Variants in ATP6V0A4 observed in about 807,000 individuals in gnomAD.
ATP6V0A4 encodes the protein V-type proton ATPase 116 kDa subunit a 4.
In ATP6V0A4, 86 loss-of-function variants were observed where a neutral mutation model predicts 107.3. The observed-to-expected ratio is 0.80, with a 90% CI of 0.67 to 0.96. The LOEUF is 0.96. Among genes scored for constraint, ATP6V0A4 ranks in the 40% least tolerant of loss-of-function variants. The pLI is 0.00. For missense variants in ATP6V0A4, 908 were observed against 1,045.6 expected (o/e 0.87, Z 1.81); for synonymous variants, 353 against 381.4 (o/e 0.93, Z 0.87).
intron 1 of ATP6V0A4, among the ~76,000 whole-genome samples, chr7:138,797,152 C>T (rs1289640365): frequency 6.6e-6 from 1 of 151,780 alleles, no homozygotes; most frequent in Non-Finnish European, 1.5e-5. Flanking sequence ...CCATCTTCCC[C>T]TCTCCCCCTG....
rs192764091 is a variant in ATP6V0A4, at chr7:138,763,134, C to G, written c.292-109G>C. 9 of 1,506,518 alleles carry G rather than the reference C, an allele frequency of 6.0e-6. No homozygotes were observed. The Admixed American group carries it at 1.8e-4, about 30-fold the overall frequency. 93.3% of individuals were successfully genotyped at this position (1,506,518 alleles called of 1,614,324 possible). On this transcript the variant is annotated intron_variant, in intron 5 of 21. Coordinates refer to ENST00000310018, the MANE Select transcript of ATP6V0A4 (RefSeq NM_020632.3). ...AAAAATCAAAGGAATCAGCACATAA[C>G]ATGATTGCAGACCCTAATACACATA... is the stretch of plus-strand genomic sequence containing the variant.
chr7:138,795,074 ATT>A (rs938418304), intron 1 of ATP6V0A4, among the ~76,000 whole-genome samples: 1 of 151,648 alleles, frequency 6.6e-6, no homozygotes, highest in African/African-American at 2.4e-5. Flanking sequence ...ATATTTCTGA[ATT>A]TTTTTAGTAG....
intron 19 of ATP6V0A4, among the ~76,000 whole-genome samples, chr7:138,717,909 GA>G (rs55813379): frequency 0.23 from 15,874 of 70,294 alleles, 1,009 homozygotes; most frequent in African/African-American, 0.29. Flanking sequence ...CTCTGTCTCG[GA>G]AAAAAAAAAA....
intron 5 of ATP6V0A4, 116 bp downstream of exon 5, chr7:138,768,664 G>C: frequency 7.7e-7 from 1 of 1,291,012 alleles, no homozygotes. Context: ...ATGCAGGCCT[G>C]CCTCCCTGCC....
intron 2 of ATP6V0A4, among the ~76,000 whole-genome samples, chr7:138,784,238 A>ACACG (rs1554402588): frequency 1.2e-4 from 6 of 49,004 alleles, no homozygotes; most frequent in African/African-American, 3.5e-4. Flanking sequence ...ATATATACGT[A>ACACG]TATATATATA....
chr7:138,718,439 G>A (rs1311079425), intron 19 of ATP6V0A4, among the ~76,000 whole-genome samples: 32 of 122,316 alleles, frequency 2.6e-4, no homozygotes, highest in African/African-American at 1.6e-4. Context: ...GGATGTCTGC[G>A]GAGGGAGACA....
Position 138,798,031 on chromosome 7 carries a change from C to A in ATP6V0A4, c.-121+3G>T. 1.3e-6 allele frequency: 2 copies of A among 1,553,430 alleles called. No homozygotes were observed. Among genetic ancestry groups the A allele is most frequent in the Non-Finnish European group, 1.7e-6 (2 of 1,148,276 alleles). On this transcript the variant is annotated splice_donor_region_variant and intron_variant, in intron 1 of 21. Transcript: ENST00000310018. The stretch of plus-strand genomic sequence containing the variant: ...CAGCTCCTGCAGGTGGGAGTCGACT[C>A]ACCTGCAGCAGGCACTCGGCACAAC...
At chr7:138,748,730 G>T (rs78350692) in intron 12 of ATP6V0A4, among the ~76,000 whole-genome samples, 127 of 152,184 alleles carry the variant, frequency 8.3e-4, no homozygotes, top group African/African-American at 2.9e-3. Flanking sequence ...ATTAACCAAG[G>T]TAGCAAGATT....
chr7:138,756,711 G>A (rs1806532828), intron 8 of ATP6V0A4, 171 bp from the exon 9 acceptor site: 1 of 447,952 alleles, frequency 2.2e-6, no homozygotes, highest in Admixed American at 6.4e-5. Flanking sequence ...TTGAGAGCAA[G>A]GCCATCCAGG....
chr7:138,769,082 G>T, intron 4 of ATP6V0A4, 91 bp downstream of exon 4: 2 of 1,594,362 alleles, frequency 1.3e-6, no homozygotes, highest in Non-Finnish European at 1.7e-6. Context: ...TGCAAATAGG[G>T]ACACATTTGT....
rs368913637 is a variant in ATP6V0A4, at chr7:138,763,150, AATACAC to A, written c.292-131_292-126del. The A allele has an allele frequency of 3.6e-4, 500 of 1,384,570 alleles. 2 individuals carry two copies. In the African/African-American group the frequency reaches 6.6e-3, roughly 18 times the overall value. The allele number at this position is 1,384,570 out of a possible 1,614,324, so 85.8% of individuals were successfully genotyped here. Reference sequence around the variant, plus strand: ...AGCACATAACATGATTGCAGACCCTAATACACATACACACAGACACACACAGACACA... The same window carrying A: ...AGCACATAACATGATTGCAGACCCTAATACACACAGACACACACAGACACA... On this transcript the variant is annotated intron_variant, in intron 5 of 21. Coordinates refer to ENST00000310018, the MANE Select transcript of ATP6V0A4 (RefSeq NM_020632.3).
At chr7:138,756,387 T>G in intron 9 of ATP6V0A4, 71 bp downstream of exon 9, 2 of 1,610,244 alleles carry the variant, frequency 1.2e-6, no homozygotes, top group Non-Finnish European at 1.7e-6. Context: ...TCATGTGCAT[T>G]TGGCATTGCA....
chr7:138,720,123 T>C (rs936003851), intron 19 of ATP6V0A4, among the ~76,000 whole-genome samples: 1 of 152,006 alleles, frequency 6.6e-6, no homozygotes, highest in Non-Finnish European at 1.5e-5. Context: ...GAATGTATAG[T>C]CAGCTTGCCT....
intron 2 of ATP6V0A4, among the ~76,000 whole-genome samples, chr7:138,776,860 G>A (rs1014691045): frequency 6.6e-6 from 1 of 152,124 alleles, no homozygotes; most frequent in African/African-American, 2.4e-5. Flanking sequence ...GAAAGTGGAA[G>A]TATAGGCTGG....
intron 7 of ATP6V0A4, among the ~76,000 whole-genome samples, chr7:138,761,237 T>G (rs948221989): frequency 6.6e-6 from 1 of 151,726 alleles, no homozygotes; most frequent in Non-Finnish European, 1.5e-5. Context: ...GAGGCAGAGG[T>G]AGGAAGATCA....
chr7:138,732,012 G>A (rs983244010), intron 17 of ATP6V0A4, among the ~76,000 whole-genome samples: 4 of 152,054 alleles, frequency 2.6e-5, no homozygotes, highest in African/African-American at 9.7e-5. Context: ...GCAACTGTTG[G>A]GATGAACTGT....
chr7:138,766,225 C>G (rs1419909996), intron 5 of ATP6V0A4, among the ~76,000 whole-genome samples: 2 of 132,954 alleles, frequency 1.5e-5, no homozygotes, highest in African/African-American at 5.6e-5. Context: ...TTTTTGGAAA[C>G]ACAGTCTTGC....
intron 18 of ATP6V0A4, among the ~76,000 whole-genome samples, chr7:138,727,494 G>A (rs531837669): frequency 3.3e-5 from 5 of 152,076 alleles, no homozygotes; most frequent in Admixed American, 6.6e-5. Flanking sequence ...TATAGATTAC[G>A]TTTCAGCTAA....
rs138090974 is a variant in ATP6V0A4 at position 138,729,573 on chromosome 7, G to A, written c.1909-711C>T. ...GAGTCCCTGTTATATTCCTGCTCCA[G>A]ATCACCTTTCACATCCTCACGCCCC... On this transcript the variant is annotated intron_variant, in intron 17 of 21. Coordinates refer to ENST00000310018, the MANE Select transcript of ATP6V0A4 (RefSeq NM_020632.3). Among the ~76,000 whole-genome samples, 339 of 152,134 alleles carry A rather than the reference G, an allele frequency of 2.2e-3. 2 individuals carry two copies. Among genetic ancestry groups the A allele is most frequent in the African/African-American group, 7.8e-3 (325 of 41,472 alleles).
Sources: allele counts gnomAD v4.1 joint callset (sites outside exome capture counted in the v4.1 genomes callset), GRCh38; gene constraint gnomAD v4.1.1; transcripts MANE v1.5; gene names NCBI Gene and HGNC (gene_info 2026-07-23, HGNC 2026-07-21).